The following HSPA4L variants were observed in gnomAD, a reference collection of about 807,000 sequenced individuals.
The protein encoded by HSPA4L is heat shock 70 kDa protein 4L.
In HSPA4L, 48 loss-of-function variants were observed where a neutral mutation model predicts 100.3. The observed-to-expected ratio is 0.48, with a 90% confidence interval of 0.38 to 0.61. The LOEUF (loss-of-function observed/expected upper bound fraction) is 0.61, where lower values mean the gene tolerates loss of function less well. HSPA4L is among the 20% of genes least tolerant of loss of function. The pLI is 0.00. For synonymous variants in HSPA4L, 319 were observed against 328.2 expected (o/e 0.97, Z 0.30); for missense variants, 886 against 988.6 (o/e 0.90, Z 1.39).
At chr4:127,822,242 T>G (rs544885245) in intron 14 of HSPA4L, among the ~76,000 whole-genome samples, 19 of 152,316 alleles carry the variant, frequency 1.2e-4, no homozygotes, top group African/African-American at 3.6e-4. Context: ...TAGATAAGAA[T>G]CATGTTAAGT....
chr4:127,827,026 A>C (rs2148799470), intron 16 of HSPA4L, among the ~76,000 whole-genome samples: 1 of 152,266 alleles, frequency 6.6e-6, no homozygotes, highest in South Asian at 2.1e-4. Flanking sequence ...AAGTTTTAAC[A>C]CCCAGCTTTT....
chr4:127,791,549 G>A (rs1732875943), intron 1 of HSPA4L, among the ~76,000 whole-genome samples: 1 of 152,166 alleles, frequency 6.6e-6, no homozygotes, highest in Non-Finnish European at 1.5e-5. Flanking sequence ...GCTAGTGGCT[G>A]CCATATGGGA....
chr4:127,816,578 C>T (rs904833888), intron 12 of HSPA4L, among the ~76,000 whole-genome samples: 3 of 151,972 alleles, frequency 2.0e-5, no homozygotes, highest in Admixed American at 6.6e-5. Flanking sequence ...GGAAGGAATA[C>T]GAGTCCTGGT....
rs1732590644 is a variant in HSPA4L, at chr4:127,782,519, C to G, written c.-32C>G. ...GACACGGTTCCCGTACCGAAGGGTT[C>G]AGTACCAGCAGCCCGACCATCACGC... is the stretch of plus-strand genomic sequence containing the variant. On this transcript the variant is annotated 5_prime_UTR_variant, in exon 1 of 19. Coordinates refer to ENST00000296464, the MANE Select transcript of HSPA4L (RefSeq NM_014278.4). The G allele has an allele frequency of 6.4e-7, 1 of 1,566,590 alleles. No individual in the cohort carries two copies. Among genetic ancestry groups the G allele is most frequent in the Non-Finnish European group, 8.8e-7 (1 of 1,137,016 alleles).
rs1369882701 is a variant in HSPA4L, at chr4:127,811,640, T to C, written c.1578+4T>C. The C allele has an allele frequency of 6.3e-7, 1 of 1,596,422 alleles. No individual in the cohort carries two copies. The highest frequency in any genetic ancestry group is 1.7e-5 in the Admixed American group (1 of 59,800). The stretch of plus-strand genomic sequence containing the variant: ...AAATGAAAACAAAGATAATATGGTA[T>C]GTAGAAATTCTTTCTCAATGTTCTT... On this transcript the variant is annotated splice_donor_region_variant and intron_variant, in intron 12 of 18. Coordinates refer to ENST00000296464, the MANE Select transcript of HSPA4L (RefSeq NM_014278.4).
At chr4:127,820,668 C>G (rs1033157144) in intron 14 of HSPA4L, 103 bp downstream of exon 14, 1 of 1,050,740 alleles carries the variant, frequency 9.5e-7, no homozygotes, top group African/African-American at 1.6e-5. Flanking sequence ...TTTATAACTC[C>G]TAAGGAATTA....
intron 11 of HSPA4L, among the ~76,000 whole-genome samples, chr4:127,809,753 A>G (rs1028551511): frequency 6.6e-6 from 1 of 152,178 alleles, no homozygotes; most frequent in African/African-American, 2.4e-5. Flanking sequence ...GGTCACAAAA[A>G]CATTCCCCAA....
chr4:127,831,720 A>G (rs1241995651), intron 18 of HSPA4L, among the ~76,000 whole-genome samples: 1 of 152,066 alleles, frequency 6.6e-6, no homozygotes, highest in African/African-American at 2.4e-5. Context: ...AGATTTGTTT[A>G]TATGTATGTG....
At chr4:127,797,285 C>CAGT (rs1733047326) in intron 3 of HSPA4L, among the ~76,000 whole-genome samples, 1 of 152,126 alleles carries the variant, frequency 6.6e-6, no homozygotes, top group Non-Finnish European at 1.5e-5. Flanking sequence ...TTACCTAGAG[C>CAGT]AGTTTTATTC....
At chr4:127,824,977 A>C (rs1733910636) in intron 16 of HSPA4L, among the ~76,000 whole-genome samples, 1 of 152,130 alleles carries the variant, frequency 6.6e-6, no homozygotes, top group Non-Finnish European at 1.5e-5. Context: ...TCTACTAAAA[A>C]AAAATACAAA....
At chr4:127,794,022 A>G in intron 1 of HSPA4L, 55 bp from the exon 2 acceptor site, 1 of 1,260,918 alleles carries the variant, frequency 7.9e-7, no homozygotes, top group Non-Finnish European at 1.1e-6. Context: ...AAGCAAAATA[A>G]TAGCACAATA....
At chr4:127,821,930 A>C (rs995750682) in intron 14 of HSPA4L, among the ~76,000 whole-genome samples, 5 of 152,144 alleles carry the variant, frequency 3.3e-5, no homozygotes, top group African/African-American at 1.2e-4. Context: ...GACATAGGCT[A>C]TGTTTTCTTT....
chr4:127,815,130 G>C (rs993746356), intron 12 of HSPA4L, among the ~76,000 whole-genome samples: 2 of 151,802 alleles, frequency 1.3e-5, no homozygotes, highest in African/African-American at 4.8e-5. Flanking sequence ...ACATCAGCAG[G>C]AGCCTTTTTT....
rs541045185 is a variant in HSPA4L, at chr4:127,802,892, C to T, written c.664-737C>T. Among the ~76,000 whole-genome samples the T allele has an allele frequency of 6.2e-4, 94 of 152,240 alleles. 1 individual carries two copies. The South Asian group carries it at 0.013, about 22-fold the overall frequency. The stretch of plus-strand genomic sequence containing the variant: ...ACCACCATACTACCACCCCACCACC[C>T]ACCTTATAATGAAAGAGCTGCAAAA... On this transcript the variant is annotated intron_variant, in intron 6 of 18. Coordinates refer to ENST00000296464, the MANE Select transcript of HSPA4L (RefSeq NM_014278.4).
At chr4:127,830,452 T>A (rs1008722683) in intron 17 of HSPA4L, among the ~76,000 whole-genome samples, 186 bp from the exon 18 acceptor site, 1 of 152,196 alleles carries the variant, frequency 6.6e-6, no homozygotes. Context: ...CTTTTTAAAC[T>A]CACACTGATC....
intron 1 of HSPA4L, among the ~76,000 whole-genome samples, chr4:127,791,090 G>T (rs998073956): frequency 6.6e-6 from 1 of 151,450 alleles, no homozygotes; most frequent in Non-Finnish European, 1.5e-5. Context: ...GACAGAGCAA[G>T]ACCCTGTCTC....
At position 127,782,413 on chromosome 4, in the gene HSPA4L, A is replaced by T; in HGVS notation, c.-138A>T. 1 of 685,520 alleles carries T rather than the reference A, an allele frequency of 1.5e-6. No homozygotes were observed. Among genetic ancestry groups the T allele is most frequent in the South Asian group, 1.7e-5 (1 of 58,486 alleles). The allele number at this position is 685,520 out of a possible 1,614,324, so 42.5% of individuals were successfully genotyped here. A position where few individuals can be genotyped will look rare whatever the true frequency, so the allele number is the denominator to read the frequency against. On this transcript the variant is annotated 5_prime_UTR_variant, in exon 1 of 19. Transcript: ENST00000296464. Reference sequence around the variant, plus strand: ...GCGGGTTTCCGACTCCCTGCCCTAGATTTTCTGCTTAGCGACTTGGGGTCC... The same window carrying T: ...GCGGGTTTCCGACTCCCTGCCCTAGTTTTTCTGCTTAGCGACTTGGGGTCC...
chr4:127,821,110 T>C (rs1010998955), intron 14 of HSPA4L, among the ~76,000 whole-genome samples: 2 of 152,140 alleles, frequency 1.3e-5, no homozygotes, highest in African/African-American at 4.8e-5. Flanking sequence ...TAAGTGGTAG[T>C]TCCTAATTTT....
rs376296284 is a variant in HSPA4L, at chr4:127,832,672, C to T, written c.2329-11C>T. ...ATCGTTTTAATATAATCAATTTCTTCATGTCTTTAGGAACTGGATAATTTC... is the reference window on the plus strand; with the variant it reads ...ATCGTTTTAATATAATCAATTTCTTTATGTCTTTAGGAACTGGATAATTTC... On this transcript the variant is annotated splice_polypyrimidine_tract_variant and intron_variant, in intron 18 of 18. Transcript: ENST00000296464. The T allele has an allele frequency of 1.5e-5, 24 of 1,568,104 alleles. No homozygotes were observed. In the African/African-American group the frequency reaches 2.7e-4, roughly 18 times the overall value.
Sources: allele counts gnomAD v4.1 joint callset (sites outside exome capture counted in the v4.1 genomes callset), GRCh38; gene constraint gnomAD v4.1.1; transcripts MANE v1.5; gene names NCBI Gene and HGNC (gene_info 2026-07-23, HGNC 2026-07-21).